PXDNL: variants seen among roughly 807,000 people sequenced by gnomAD.
PXDNL encodes the protein peroxidasin like.
Under a neutral mutation model 150.8 loss-of-function variants are expected in PXDNL, and 145 were observed. The ratio of observed to expected loss-of-function variants is 0.96; its 90% CI spans 0.84 to 1.10. The LOEUF is 1.10. Among genes scored for constraint, PXDNL ranks in the 50% least tolerant of loss-of-function variants. The pLI is 0.00. For missense variants in PXDNL, 2,087 were observed against 1,873.9 expected (o/e 1.11, Z -2.10); for synonymous variants, 757 against 725.7 (o/e 1.04, Z -0.69).
chr8:51,806,611 C>A (rs1156789488), intron 1 of PXDNL, among the ~76,000 whole-genome samples: 1 of 152,200 alleles, frequency 6.6e-6, no homozygotes, highest in Non-Finnish European at 1.5e-5. Context: ...TACTAGAAGT[C>A]ACAAACTGAA....
chr8:51,631,385 G>A (rs1435895530), intron 2 of PXDNL, among the ~76,000 whole-genome samples: 1 of 152,012 alleles, frequency 6.6e-6, no homozygotes, highest in East Asian at 1.9e-4. Flanking sequence ...CCCATGACAT[G>A]CAATTTACCT....
At chr8:51,338,182 C>CA (rs757946882) in intron 21 of PXDNL, among the ~76,000 whole-genome samples, 6,203 of 88,404 alleles carry the variant, frequency 0.07, 455 homozygotes, top group African/African-American at 0.18. Flanking sequence ...GACTCCATCT[C>CA]AAAAAAAAAA....
At chr8:51,796,488 G>GTAA (rs1291371119) in intron 1 of PXDNL, among the ~76,000 whole-genome samples, 6 of 151,776 alleles carry the variant, frequency 4.0e-5, no homozygotes, top group Non-Finnish European at 7.4e-5. Context: ...ATGACAAAGG[G>GTAA]GTTATCACCA....
rs1232564184 is a variant in PXDNL, at chr8:51,347,210, T to C, written c.3902-1263A>G. 5.3e-5 allele frequency among the ~76,000 whole-genome samples: 8 copies of C among 152,298 alleles called. No homozygotes were observed. In the East Asian group the frequency reaches 1.4e-3, roughly 26 times the overall value. On this transcript the variant is annotated intron_variant, in intron 19 of 22. Coordinates refer to ENST00000356297, the MANE Select transcript of PXDNL (RefSeq NM_144651.5). ...CTTTTGTTCTGGGCAGCTAGCAAGT[T>C]ATTCTTAAAAGAAGAGAAAGTGAAA... is the stretch of plus-strand genomic sequence containing the variant.
At chr8:51,534,010 G>A (rs1435622521) in intron 4 of PXDNL, among the ~76,000 whole-genome samples, 1 of 141,816 alleles carries the variant, frequency 7.1e-6, no homozygotes, top group Non-Finnish European at 1.5e-5. Context: ...GAGCGTCTCT[G>A]CCCGGCCGCC....
intron 12 of PXDNL, among the ~76,000 whole-genome samples, chr8:51,427,878 G>A (rs1218421793): frequency 1.3e-5 from 2 of 152,162 alleles, no homozygotes; most frequent in Non-Finnish European, 2.9e-5. Context: ...TCTAGCCTGT[G>A]CACCATGGCA....
intron 2 of PXDNL, among the ~76,000 whole-genome samples, chr8:51,644,184 T>C (rs1030604676): frequency 5.4e-5 from 8 of 148,592 alleles, no homozygotes; most frequent in African/African-American, 1.2e-4. Context: ...ATAAGTAAAA[T>C]AAAACAATTA....
At position 51,408,965 on chromosome 8, in the gene PXDNL, T is replaced by C. The variant is rs1336741880; in HGVS notation, c.2659A>G (p.Ile887Val). ...TVDSVYAREQ[I>V]NQQTAYIDGS... ...TCGATGTAGGCTGTTTGCTGGTTGA[T>C]CTGCTCTCGTGCATAGACTGAATCC... Residue 887 changes from isoleucine (I) to valine (V), a missense_variant, in exon 17 of 23, where the codon ATC becomes GTC. Ile to Val is a conservative substitution (Grantham distance 29). Transcript: ENST00000356297. 38 of 1,612,470 alleles carry C rather than the reference T, an allele frequency of 2.4e-5. No homozygotes were observed. The highest frequency in any genetic ancestry group is 3.1e-5 in the Non-Finnish European group (36 of 1,179,840).
chr8:51,362,852 T>C (rs1228913413), intron 19 of PXDNL, among the ~76,000 whole-genome samples: 1 of 152,258 alleles, frequency 6.6e-6, no homozygotes, highest in East Asian at 1.9e-4. Context: ...ATGTTAAGTG[T>C]ATGTGATAAA....
intron 4 of PXDNL, among the ~76,000 whole-genome samples, chr8:51,516,076 G>C (rs985973644): frequency 2.6e-5 from 4 of 152,062 alleles, no homozygotes; most frequent in Non-Finnish European, 4.4e-5. Flanking sequence ...CTTCAGCTTT[G>C]GGTGGATTTT....
At chr8:51,619,937 T>G (rs1363740094) in intron 2 of PXDNL, among the ~76,000 whole-genome samples, 1 of 152,152 alleles carries the variant, frequency 6.6e-6, no homozygotes, top group Non-Finnish European at 1.5e-5. Flanking sequence ...TTTCTCTATA[T>G]TTGGAGGCCT....
chr8:51,367,848 C>CA (rs1459476894), intron 19 of PXDNL, among the ~76,000 whole-genome samples: 7 of 152,198 alleles, frequency 4.6e-5, no homozygotes, highest in Non-Finnish European at 1.5e-5. Flanking sequence ...GATAGGGCCA[C>CA]AGGGTGCAGT....
chr8:51,700,567 C>T, intron 1 of PXDNL, among the ~76,000 whole-genome samples: 1 of 64,308 alleles, frequency 1.6e-5, no homozygotes, highest in East Asian at 6.0e-4. Flanking sequence ...TACACATTTA[C>T]ATATATACCC....
At chr8:51,497,130 G>A (rs10088451) in intron 5 of PXDNL, among the ~76,000 whole-genome samples, 2,103 of 152,044 alleles carry the variant, frequency 0.014, 52 homozygotes, top group African/African-American at 0.047. Flanking sequence ...AAATAATGCC[G>A]CATATCTACA....
At chr8:51,500,143 C>T (rs1811151534) in intron 4 of PXDNL, among the ~76,000 whole-genome samples, 1 of 152,192 alleles carries the variant, frequency 6.6e-6, no homozygotes, top group Non-Finnish European at 1.5e-5. Context: ...AGATACATTA[C>T]AAGTGACCAC....
At chr8:51,798,768 G>C (rs2037588422) in intron 1 of PXDNL, among the ~76,000 whole-genome samples, 1 of 152,180 alleles carries the variant, frequency 6.6e-6, no homozygotes, top group Non-Finnish European at 1.5e-5. Context: ...GTGGAAGACA[G>C]TGTGGTGATT....
intron 1 of PXDNL, among the ~76,000 whole-genome samples, chr8:51,763,596 G>C (rs796651971): frequency 6.6e-6 from 1 of 152,034 alleles, no homozygotes; most frequent in East Asian, 1.9e-4. Context: ...GCCCACTTGG[G>C]CCTCTTCCAA....
chr8:51,708,641 A>T (rs1257675493), intron 1 of PXDNL, among the ~76,000 whole-genome samples: 2 of 152,092 alleles, frequency 1.3e-5, no homozygotes, highest in African/African-American at 4.8e-5. Context: ...AATAATGGAG[A>T]CCCTTTGTAG....
At chr8:51,434,764 T>C (rs1252535135) in intron 12 of PXDNL, among the ~76,000 whole-genome samples, 1 of 152,186 alleles carries the variant, frequency 6.6e-6, no homozygotes, top group Non-Finnish European at 1.5e-5. Flanking sequence ...ATTTATTAGA[T>C]GAGGAAACTG....
Sources: gnomAD v4.1 joint callset for allele counts (sites outside exome capture counted in the v4.1 genomes callset) on GRCh38, gnomAD v4.1.1 for gene constraint, MANE v1.5 for transcripts, NCBI Gene and HGNC (gene_info 2026-07-23, HGNC 2026-07-21) for gene names.